SGK1: variants seen among roughly 807,000 people sequenced by gnomAD.
SGK1 encodes serum/glucocorticoid regulated kinase 1, also known as serine/threonine-protein kinase Sgk1.
SGK1 carries 26 observed loss-of-function variants against 64.2 expected under a neutral mutation model. The ratio of observed to expected loss-of-function variants is 0.40; its 90% CI spans 0.30 to 0.56. The LOEUF (loss-of-function observed/expected upper bound fraction) is 0.56. Ranked by LOEUF, SGK1 falls within the 20% of genes least tolerant of loss-of-function variation. The pLI is 0.38. For missense variants in SGK1, 519 were observed against 645.6 expected, an observed-to-expected ratio of 0.80 and a Z score of 2.12; for synonymous variants, 265 against 239.7, an observed-to-expected ratio of 1.11 and a Z score of -0.98.
chr6:134,274,977 G>A (rs1776998799), intron 1 of SGK1, among the ~76,000 whole-genome samples: 1 of 151,930 alleles, frequency 6.6e-6, no homozygotes, highest in Non-Finnish European at 1.5e-5. Context: ...GCTAATTTTT[G>A]TATTTTAGTA....
chr6:134,170,920 T>G lies in SGK1; in HGVS notation c.1324-5A>C. On this transcript the variant is annotated splice_region_variant and splice_polypyrimidine_tract_variant and intron_variant, in intron 12 of 13. Coordinates refer to ENST00000367858, the MANE Select transcript of SGK1 (RefSeq NM_001143676.3). ...GACATGACTCTTAATCTCCATCTGT[T>G]GATAAGAAACCCAAGATTAATTTAG... is the stretch of plus-strand genomic sequence containing the variant. The G allele has an allele frequency of 6.2e-7, 1 of 1,610,176 alleles. No homozygotes were observed. The highest frequency in any genetic ancestry group is 8.5e-7 in the Non-Finnish European group (1 of 1,176,566).
At chr6:134,286,478 ATTTTTT>A (rs1267281237) in intron 1 of SGK1, among the ~76,000 whole-genome samples, 1 of 128,468 alleles carries the variant, frequency 7.8e-6, no homozygotes, top group Non-Finnish European at 1.7e-5. Flanking sequence ...AAAATACAAT[ATTTTTT>A]TTTTTTTTTT....
intron 3 of SGK1, among the ~76,000 whole-genome samples, chr6:134,190,431 G>A (rs962491056): frequency 6.6e-6 from 1 of 151,954 alleles, no homozygotes; most frequent in Non-Finnish European, 1.5e-5. Context: ...GATTACAGGT[G>A]CACACCACCA....
chr6:134,257,066 A>C (rs1478506905), intron 2 of SGK1: 1 of 152,296 alleles, frequency 6.6e-6, no homozygotes. Context: ...AACACGCCTG[A>C]TCTCAGAAGC....
intron 2 of SGK1, among the ~76,000 whole-genome samples, chr6:134,208,824 A>G (rs1336974266): frequency 6.7e-6 from 1 of 149,730 alleles, no homozygotes; most frequent in East Asian, 1.9e-4. Flanking sequence ...ACACGCATGT[A>G]TATATATGTA....
intron 3 of SGK1, among the ~76,000 whole-genome samples, chr6:134,194,076 G>C (rs147036080): frequency 5.2e-4 from 79 of 152,092 alleles, no homozygotes; most frequent in Middle Eastern, 3.4e-3. Context: ...ATATCTTTGG[G>C]ATGTGGGAGG....
At chr6:134,313,320 CAT>C (rs1777633835) in intron 1 of SGK1, among the ~76,000 whole-genome samples, 1 of 152,092 alleles carries the variant, frequency 6.6e-6, no homozygotes, top group Admixed American at 6.6e-5. Context: ...GCCAGGGCAA[CAT>C]AGTGAGACCT....
At chr6:134,174,102 ATT>A in intron 4 of SGK1, 22 bp from the exon 5 acceptor site, 1 of 1,594,506 alleles carries the variant, frequency 6.3e-7, no homozygotes, top group Non-Finnish European at 8.6e-7. Flanking sequence ...AAAGGGCACG[ATT>A]TAGAATCCAG....
chr6:134,209,320 G>C (rs1203279902), intron 2 of SGK1, among the ~76,000 whole-genome samples: 1 of 152,090 alleles, frequency 6.6e-6, no homozygotes, highest in Non-Finnish European at 1.5e-5. Context: ...TGTAATCCCA[G>C]CTACTCAGGA....
chr6:134,299,542 G>A (rs1777414410), intron 1 of SGK1, among the ~76,000 whole-genome samples: 1 of 152,144 alleles, frequency 6.6e-6, no homozygotes, highest in Non-Finnish European at 1.5e-5. Flanking sequence ...AAGAAGTGAA[G>A]GGAGTGAGGT....
intron 2 of SGK1, among the ~76,000 whole-genome samples, chr6:134,243,729 C>T (rs1776482683): frequency 6.6e-6 from 1 of 152,184 alleles, no homozygotes; most frequent in African/African-American, 2.4e-5. Context: ...ATTTTCCAAC[C>T]TGCATGATTC....
Position 134,219,760 on chromosome 6 carries a change from C to CAAA in SGK1, c.286-12332_286-12330dup, listed in dbSNP as rs55704631. On this transcript the variant is annotated intron_variant, in intron 2 of 13. Transcript: ENST00000367858. ...GGGCAACAAGATCGAAACTCTGTCT[C>CAAA]AAAAAAAAAAAAAAAGAGGCCGGGC... Among the ~76,000 whole-genome samples the CAAA allele has an allele frequency of 2.4e-4, 29 of 122,422 alleles. No individual in the cohort carries two copies. In the East Asian group the frequency reaches 4.4e-3, roughly 18 times the overall value. The allele number at this position is 122,422 out of a possible 152,430, so 80.3% of individuals were successfully genotyped here.
At chr6:134,226,866 T>G (rs1776190921) in intron 2 of SGK1, among the ~76,000 whole-genome samples, 1 of 151,774 alleles carries the variant, frequency 6.6e-6, no homozygotes, top group Non-Finnish European at 1.5e-5. Context: ...GTTTTTATTT[T>G]TTGTAGAGAT....
chr6:134,297,145 AG>A (rs1777367049), intron 1 of SGK1: 1 of 597,378 alleles, frequency 1.7e-6, no homozygotes, highest in South Asian at 1.5e-5. Flanking sequence ...AGGCCCCCAT[AG>A]GCTGAGCACA....
intron 2 of SGK1, among the ~76,000 whole-genome samples, chr6:134,219,978 T>G (rs866738460): frequency 9.6e-4 from 124 of 129,198 alleles, no homozygotes; most frequent in East Asian, 3.8e-3. Flanking sequence ...AGAATGGCGT[T>G]AACCCGGGAG....
intron 1 of SGK1, among the ~76,000 whole-genome samples, chr6:134,308,801 C>T (rs1777570980): frequency 6.6e-6 from 1 of 152,182 alleles, no homozygotes; most frequent in Admixed American, 6.5e-5. Flanking sequence ...AGGTGATCCA[C>T]CCGCCTCAGC....
At chr6:134,229,343 G>T (rs577357311) in intron 2 of SGK1, among the ~76,000 whole-genome samples, 4 of 152,082 alleles carry the variant, frequency 2.6e-5, no homozygotes, top group Admixed American at 6.5e-5. Flanking sequence ...TAAAAATAAA[G>T]AATTTTAAGA....
At chr6:134,250,628 A>G (rs1776592831) in intron 2 of SGK1, among the ~76,000 whole-genome samples, 1 of 152,256 alleles carries the variant, frequency 6.6e-6, no homozygotes, top group Non-Finnish European at 1.5e-5. Flanking sequence ...AATAAGAAAT[A>G]TCAAGGTGAT....
At chr6:134,206,356 TATATATATATATATATATATA>T (rs1261619946) in intron 3 of SGK1, among the ~76,000 whole-genome samples, 7 of 8,274 alleles carry the variant, frequency 8.5e-4, no homozygotes, top group Non-Finnish European at 2.0e-3. Flanking sequence ...TATATATATA[TATATATATATATATATATATA>T]TATATATTTT....
Sources: gnomAD v4.1 joint callset for allele counts (sites outside exome capture counted in the v4.1 genomes callset) on GRCh38, gnomAD v4.1.1 for gene constraint, MANE v1.5 for transcripts, NCBI Gene and HGNC (gene_info 2026-07-23, HGNC 2026-07-21) for gene names.